PITHD1: variants seen among roughly 807,000 people sequenced by gnomAD.
The protein encoded by PITHD1 is PITH domain containing 1, also known as PITH domain-containing protein 1.
In PITHD1, 8 loss-of-function variants were observed where a neutral mutation model predicts 27.5. That is an observed-to-expected ratio of 0.29 (90% CI 0.17 to 0.52). PITHD1 has a LOEUF of 0.52. Ranked by LOEUF, PITHD1 falls within the 20% of genes least tolerant of loss-of-function variation. PITHD1 has a pLI of 0.96. For missense variants in PITHD1, 233 were observed against 283.9 expected (o/e 0.82, Z 1.29); for synonymous variants, 118 against 106.8 (o/e 1.10, Z -0.64).
chr1:23,783,963 G>C (rs1490082268), intron 3 of PITHD1, among the ~76,000 whole-genome samples: 3 of 152,114 alleles, frequency 2.0e-5, no homozygotes. Flanking sequence ...GCGTTACTTA[G>C]AATCGATTCA....
At chr1:23,785,824 G>A (rs763018578) in intron 4 of PITHD1, 45 bp downstream of exon 4, 2 of 1,105,492 alleles carry the variant, frequency 1.8e-6, no homozygotes, top group African/African-American at 1.6e-5. Flanking sequence ...TTCTTATAGG[G>A]CTTGCCATTT....
At chr1:23,783,941 T>G (rs557528348) in intron 3 of PITHD1, among the ~76,000 whole-genome samples, 1 of 152,278 alleles carries the variant, frequency 6.6e-6, no homozygotes, top group African/African-American at 2.4e-5. Context: ...TAGTAAAGTT[T>G]TTTCAATATA....
intron 3 of PITHD1, among the ~76,000 whole-genome samples, chr1:23,782,423 G>GA (rs796360932): frequency 4.3e-4 from 56 of 129,464 alleles, no homozygotes; most frequent in East Asian, 2.0e-3. Flanking sequence ...TGTCTCAAAA[G>GA]AAAAAAAAAA....
At chr1:23,783,461 T>G (rs1326733179) in intron 3 of PITHD1, among the ~76,000 whole-genome samples, 1 of 150,468 alleles carries the variant, frequency 6.6e-6, no homozygotes, top group Non-Finnish European at 1.5e-5. Context: ...GTGTATTTTT[T>G]GTTTTTTTAA....
At chr1:23,786,461 C>T (rs376915011) in intron 5 of PITHD1, 38 bp downstream of exon 5, 66 of 905,974 alleles carry the variant, frequency 7.3e-5, no homozygotes, top group Non-Finnish European at 1.1e-4. Context: ...CTCATGTCTA[C>T]ATATCTGCAC....
rs1638672088 is a variant in PITHD1, at chr1:23,785,674, G to A, written c.321-1G>A. On this transcript the variant is annotated splice_acceptor_variant, in intron 3 of 5. Coordinates refer to ENST00000246151, the MANE Select transcript of PITHD1 (RefSeq NM_020362.5). LOFTEE classifies it high-confidence loss of function. ...GACTTTTCTTTCCTTTCCTTTCTCA[G>A]GTACAAGAATATTCCACAGATGTCC... The A allele has an allele frequency of 6.3e-7, 1 of 1,579,050 alleles. No individual in the cohort carries two copies. Among genetic ancestry groups the A allele is most frequent in the African/African-American group, 1.3e-5 (1 of 74,154 alleles).
chr1:23,785,825 C>T (rs1448193665), intron 4 of PITHD1, 46 bp downstream of exon 4: 3 of 1,099,302 alleles, frequency 2.7e-6, no homozygotes, highest in Non-Finnish European at 4.2e-6. Context: ...TCTTATAGGG[C>T]TTGCCATTTA....
intron 2 of PITHD1, 78 bp downstream of exon 2, chr1:23,779,559 C>T: frequency 9.4e-7 from 1 of 1,061,238 alleles, no homozygotes; most frequent in Middle Eastern, 2.0e-4. Context: ...TCACTGGTGT[C>T]AAGAGCACAC....
intron 5 of PITHD1, among the ~76,000 whole-genome samples, chr1:23,787,011 T>C (rs1368808644): frequency 1.3e-5 from 2 of 152,212 alleles, no homozygotes; most frequent in African/African-American, 4.8e-5. Context: ...CAAGTTCCTA[T>C]TCTCATGGTA....
intron 1 of PITHD1, 83 bp downstream of exon 1, chr1:23,778,796 G>A: frequency 1.2e-6 from 1 of 827,004 alleles, no homozygotes; most frequent in East Asian, 3.3e-5. Context: ...CTGATGTTAA[G>A]AATAACGACA....
chr1:23,787,137 C>T (rs1428734672), intron 5 of PITHD1, 138 bp from the exon 6 acceptor site: 2 of 548,614 alleles, frequency 3.6e-6, no homozygotes, highest in Non-Finnish European at 6.6e-6. Flanking sequence ...TAGATGATGA[C>T]ATCTAAGTAT....
In PITHD1 at chr1:23,787,334, T is replaced by C. The variant is rs1046924; in HGVS notation, c.594T>C (p.His198=). Reference sequence around the variant, plus strand: ...AAGCATCTGCCAACCCAGCAGACCATAGGGTCCATCAGGTTACCCCACAGA... The same window carrying C: ...AAGCATCTGCCAACCCAGCAGACCACAGGGTCCATCAGGTTACCCCACAGA... ...NYEASANPAD[H]RVHQVTPQTH... Residue 198 remains histidine (H), a synonymous_variant, in exon 6 of 6, where the codon CAT becomes CAC. Transcript: ENST00000246151. The C allele has an allele frequency of 3.9e-3, 6,350 of 1,612,864 alleles. 191 individuals are homozygous for C. In the African/African-American group the frequency reaches 0.071, roughly 18 times the overall value.
At chr1:23,778,976 A>AG (rs1638554149) in intron 1 of PITHD1, among the ~76,000 whole-genome samples, 1 of 152,210 alleles carries the variant, frequency 6.6e-6, no homozygotes. Context: ...TGGGCTAGAG[A>AG]GGATGGTCGT....
rs763501501 is a variant in PITHD1 at position 23,786,380 on chromosome 1, C to G, written c.491C>G (p.Thr164Arg). Residue 164 changes from threonine to arginine, a missense_variant, in exon 5 of 6, where the codon ACG becomes AGG. Transcript: ENST00000246151. The part of the protein sequence containing the change: ...IHISKNFGAD[T>R]TKVFYIGLRG... ...ATTTCAAAAAACTTCGGAGCAGATACGACAAAGGTCTTTTATATTGGCCTG... is the reference window on the plus strand; with the variant it reads ...ATTTCAAAAAACTTCGGAGCAGATAGGACAAAGGTCTTTTATATTGGCCTG... 6 of 1,606,204 alleles carry G rather than the reference C, an allele frequency of 3.7e-6. No homozygotes were observed. Among genetic ancestry groups the G allele is most frequent in the Non-Finnish European group, 5.1e-6 (6 of 1,173,730 alleles).
chr1:23,784,821 G>A (rs1638660512), intron 3 of PITHD1, among the ~76,000 whole-genome samples: 1 of 152,186 alleles, frequency 6.6e-6, no homozygotes. Context: ...TTGGATGTGA[G>A]ATTGCAGTCT....
chr1:23,778,685 C>A lies in PITHD1; in HGVS notation c.170C>A (p.Pro57Gln). Residue 57 changes from proline (P) to glutamine (Q), a missense_variant, in exon 1 of 6, where the codon CCG becomes CAG. Coordinates refer to ENST00000246151, the MANE Select transcript of PITHD1 (RefSeq NM_020362.5). ...GGCAGCGGCCGCGGCGTCTTCAAGC[C>A]GTGGGAGGAGCGGACCGACCGCTCC... Reference protein sequence around the residue: ...REGSGRGVFKPWEERTDRSKF... With the variant: ...REGSGRGVFKQWEERTDRSKF... The A allele has an allele frequency of 7.6e-7, 1 of 1,308,908 alleles. No individual in the cohort carries two copies. 81.1% of individuals were successfully genotyped at this position (1,308,908 alleles called of 1,614,324 possible).
At position 23,787,371 on chromosome 1, in the gene PITHD1, T is replaced by C; in HGVS notation, c.631T>C (p.Ser211Pro). 1 of 1,578,218 alleles carries C rather than the reference T, an allele frequency of 6.3e-7. No homozygotes were observed. Among genetic ancestry groups the C allele is most frequent in the Non-Finnish European group, 8.7e-7 (1 of 1,148,620 alleles). ...GGTTACCCCACAGACACACTTTATTTCCTAAGGGCTGGCCAAGGCTCCCAT... is the reference window on the plus strand; with the variant it reads ...GGTTACCCCACAGACACACTTTATTCCCTAAGGGCTGGCCAAGGCTCCCAT... ...HQVTPQTHFI[S>P] Residue 211 changes from serine to proline, a missense_variant, in exon 6 of 6, where the codon TCC becomes CCC. Transcript: ENST00000246151.
chr1:23,785,418 G>A (rs183267313), intron 3 of PITHD1: 4 of 248,794 alleles, frequency 1.6e-5, no homozygotes, highest in South Asian at 4.8e-5. Context: ...ACTTGAACCT[G>A]GGAGGTGGAG....
At chr1:23,784,920 A>G (rs1638661372) in intron 3 of PITHD1, among the ~76,000 whole-genome samples, 1 of 152,188 alleles carries the variant, frequency 6.6e-6, no homozygotes, top group African/African-American at 2.4e-5. Flanking sequence ...TTTTGGACAC[A>G]AAAAAATGCT....
Sources: gnomAD v4.1 joint callset for allele counts (sites outside exome capture counted in the v4.1 genomes callset) on GRCh38, gnomAD v4.1.1 for gene constraint, MANE v1.5 for transcripts, NCBI Gene and HGNC (gene_info 2026-07-23, HGNC 2026-07-21) for gene names.